The following MMP26 variants were observed in gnomAD, a reference collection of about 807,000 sequenced individuals.
MMP26 encodes matrix metallopeptidase 26.
A neutral mutation model predicts 31.0 loss-of-function variants in MMP26; 33 were observed. That is an observed-to-expected ratio of 1.06 (90% CI 0.81 to 1.42). The LOEUF is 1.42. Ranked by LOEUF, MMP26 falls within the 40% of genes most tolerant of loss-of-function variation. The pLI is 0.00. For synonymous variants in MMP26, 122 were observed against 114.9 expected (o/e 1.06, Z -0.40); for missense variants, 347 against 316.1 (o/e 1.10, Z -0.74).
intron 4 of MMP26, among the ~76,000 whole-genome samples, chr11:4,990,187 G>A (rs1363340175): frequency 6.6e-6 from 1 of 152,168 alleles, no homozygotes; most frequent in Admixed American, 6.5e-5. Flanking sequence ...TACTCTTTCT[G>A]TTGGGGATTC....
At chr11:4,825,863 A>T (rs1323298057) in intron 2 of MMP26, among the ~76,000 whole-genome samples, 2 of 152,144 alleles carry the variant, frequency 1.3e-5, no homozygotes, top group African/African-American at 4.8e-5. Flanking sequence ...AAAACACCTC[A>T]TTGAGTTTGA....
intron 2 of MMP26, chr11:4,822,518 C>A (rs1849524675): frequency 2.7e-6 from 2 of 746,506 alleles, no homozygotes; most frequent in Non-Finnish European, 3.8e-6. Flanking sequence ...TAGTCAATTT[C>A]TTTGTCAATA....
At chr11:4,730,970 G>C (rs1329376021) in intron 1 of MMP26, among the ~76,000 whole-genome samples, 1 of 151,986 alleles carries the variant, frequency 6.6e-6, no homozygotes, top group African/African-American at 2.4e-5. Context: ...TTGAGATGGA[G>C]TTTCACTCTT....
At chr11:4,852,568 C>T (rs934188107) in intron 2 of MMP26, among the ~76,000 whole-genome samples, 2 of 152,054 alleles carry the variant, frequency 1.3e-5, no homozygotes, top group Non-Finnish European at 2.9e-5. Flanking sequence ...CCAAACTAAA[C>T]AAGTGTTGGT....
chr11:4,992,359 A>G lies in MMP26; in HGVS notation c.*117A>G, dbSNP rs753569392. ...CTAGGATGAAGCCCTAAAGAATGCA[A>G]CCTAGTCAGGTTAGCTGAACCGACA... On this transcript the variant is annotated 3_prime_UTR_variant, in exon 8 of 8. Transcript: ENST00000380390. 1.0e-6 allele frequency: 1 copy of G among 969,204 alleles called. No homozygotes were observed. The highest frequency in any genetic ancestry group is 1.5e-6 in the Non-Finnish European group (1 of 648,378). The allele number at this position is 969,204 out of a possible 1,614,324, so 60.0% of individuals were successfully genotyped here.
intron 1 of MMP26, chr11:4,723,343 A>G (rs1469086529): frequency 5.1e-6 from 5 of 971,486 alleles, no homozygotes; most frequent in Admixed American, 3.4e-5. Context: ...GATCTGGTGC[A>G]TGCTCTCAGC....
chr11:4,890,835 A>G (rs1850608286), intron 2 of MMP26, among the ~76,000 whole-genome samples: 1 of 152,016 alleles, frequency 6.6e-6, no homozygotes, highest in African/African-American at 2.4e-5. Context: ...TTAAATCCTC[A>G]GAAGGCTTAC....
At chr11:4,986,905 T>TTC (rs71050445) in intron 2 of MMP26, among the ~76,000 whole-genome samples, 7,010 of 48,446 alleles carry the variant, frequency 0.14, 920 homozygotes, top group Non-Finnish European at 0.19. Flanking sequence ...CTTCCTTCCT[T>TTC]TCTCTCTCTC....
intron 2 of MMP26, among the ~76,000 whole-genome samples, chr11:4,865,291 A>G (rs1441934207): frequency 6.6e-6 from 1 of 151,870 alleles, no homozygotes; most frequent in Non-Finnish European, 1.5e-5. Context: ...TTTCTTTTAC[A>G]TTAGGAAAAA....
At chr11:4,908,626 G>A (rs1850944473) in intron 2 of MMP26, 2 of 385,060 alleles carry the variant, frequency 5.2e-6, no homozygotes, top group Non-Finnish European at 9.7e-6. Flanking sequence ...CATTCAGTTA[G>A]TATCTATTAA....
intron 3 of MMP26, 73 bp from the exon 4 acceptor site, chr11:4,989,575 C>A: frequency 1.6e-6 from 2 of 1,238,632 alleles, no homozygotes; most frequent in Non-Finnish European, 1.1e-6. Flanking sequence ...TCAAAGAAGG[C>A]TATGCCCAGG....
intron 2 of MMP26, among the ~76,000 whole-genome samples, chr11:4,911,670 C>T (rs1379649632): frequency 2.6e-5 from 4 of 152,190 alleles, no homozygotes; most frequent in Admixed American, 1.3e-4. Context: ...AAATATCTAA[C>T]TCCATCATAT....
At chr11:4,960,164 T>C (rs560040515) in intron 2 of MMP26, among the ~76,000 whole-genome samples, 22 of 151,958 alleles carry the variant, frequency 1.4e-4, no homozygotes, top group African/African-American at 5.1e-4. Flanking sequence ...ATGGGTTAAA[T>C]AGTGTTGAAC....
rs752026336 is a variant in MMP26 at position 4,710,489 on chromosome 11, A to G, written c.-217+5444A>G. On this transcript the variant is annotated intron_variant, in intron 1 of 7. Coordinates refer to ENST00000380390, the MANE Select transcript of MMP26 (RefSeq NM_021801.5). ...AGTAAATTCGCAAGGCTGTGCTCAA[A>G]GCATTTCTTTCTAAGCTAATTTAGG... The G allele has an allele frequency of 9.2e-6, 4 of 435,684 alleles. No individual in the cohort carries two copies. In the East Asian group the frequency reaches 2.9e-4, roughly 31 times the overall value. 27.0% of individuals were successfully genotyped at this position (435,684 alleles called of 1,614,324 possible).
At chr11:4,895,382 G>T (rs61880580) in intron 2 of MMP26, among the ~76,000 whole-genome samples, 2 of 152,108 alleles carry the variant, frequency 1.3e-5, no homozygotes, top group African/African-American at 4.8e-5. Context: ...TCTGATTCCA[G>T]TCTAGTGGCT....
At chr11:4,943,869 C>T (rs1410691403) in intron 2 of MMP26, 1 of 448,524 alleles carries the variant, frequency 2.2e-6, no homozygotes, top group Non-Finnish European at 4.5e-6. Flanking sequence ...TCAAAAACCC[C>T]TAAAATACAG....
intron 2 of MMP26, among the ~76,000 whole-genome samples, chr11:4,785,983 A>C (rs1848937921): frequency 6.6e-6 from 1 of 152,198 alleles, no homozygotes; most frequent in African/African-American, 2.4e-5. Flanking sequence ...CCCACTTGGC[A>C]AAACATGCTT....
At chr11:4,785,395 A>G (rs545231962) in intron 2 of MMP26, among the ~76,000 whole-genome samples, 41 of 152,280 alleles carry the variant, frequency 2.7e-4, no homozygotes, top group African/African-American at 9.4e-4. Context: ...AAGTTCCTTG[A>G]ACACAGATAA....
intron 1 of MMP26, among the ~76,000 whole-genome samples, chr11:4,746,841 A>G (rs1848387594): frequency 7.1e-6 from 1 of 141,650 alleles, no homozygotes; most frequent in Admixed American, 7.1e-5. Context: ...TCACACACAC[A>G]CACACACACA....
Sources: gnomAD v4.1 joint callset for allele counts (sites outside exome capture counted in the v4.1 genomes callset) on GRCh38, gnomAD v4.1.1 for gene constraint, MANE v1.5 for transcripts, NCBI Gene and HGNC (gene_info 2026-07-23, HGNC 2026-07-21) for gene names.